Variants in TLL1 observed in about 807,000 individuals in gnomAD.
TLL1 encodes the protein tolloid-like protein 1.
A neutral mutation model predicts 128.2 loss-of-function variants in TLL1; 49 were observed. The ratio of observed to expected loss-of-function variants is 0.38; its 90% confidence interval spans 0.30 to 0.48. TLL1 has a LOEUF of 0.48. Ranked by LOEUF, TLL1 falls within the 20% of genes least tolerant of loss-of-function variation. The probability of loss-of-function intolerance (pLI) is 0.96; values close to 1 mark genes in which losing one functional copy is unlikely to be tolerated. For synonymous variants in TLL1, 454 were observed against 418.8 expected (o/e 1.08, Z -1.03); for missense variants, 1,123 against 1,242.0 (o/e 0.90, Z 1.44).
chr4:166,025,237 A>T, intron 8 of TLL1, 79 bp from the exon 9 acceptor site: 1 of 1,038,544 alleles, frequency 9.6e-7, no homozygotes, highest in Non-Finnish European at 1.5e-6. Flanking sequence ...TACCAAAAAA[A>T]CCCTTCATGG....
chr4:165,975,326 C>A (rs1040717859), intron 1 of TLL1, among the ~76,000 whole-genome samples: 4 of 152,058 alleles, frequency 2.6e-5, no homozygotes, highest in African/African-American at 7.3e-5. Flanking sequence ...GTACCCCTTC[C>A]CCCTCCCCCA....
At chr4:166,069,224 A>T (rs931888088) in intron 16 of TLL1, among the ~76,000 whole-genome samples, 2 of 151,738 alleles carry the variant, frequency 1.3e-5, no homozygotes, top group Non-Finnish European at 2.9e-5. Flanking sequence ...TCTAATAAAG[A>T]TGTTAATATA....
chr4:165,986,998 A>G (rs570741973), intron 1 of TLL1, among the ~76,000 whole-genome samples: 1 of 152,284 alleles, frequency 6.6e-6, no homozygotes, highest in South Asian at 2.1e-4. Flanking sequence ...GATGATGACA[A>G]TGATAATCAT....
At chr4:166,002,601 T>C (rs2111032594) in intron 5 of TLL1, among the ~76,000 whole-genome samples, 1 of 152,118 alleles carries the variant, frequency 6.6e-6, no homozygotes, top group African/African-American at 2.4e-5. Context: ...TGCGCCACTA[T>C]GCCCAGCTAA....
chr4:165,915,438 G>T (rs917545473), intron 1 of TLL1, among the ~76,000 whole-genome samples: 1 of 152,202 alleles, frequency 6.6e-6, no homozygotes, highest in African/African-American at 2.4e-5. Flanking sequence ...TGAATTACAG[G>T]TTTATAGCTT....
At chr4:165,886,228 T>C (rs1223755009) in intron 1 of TLL1, among the ~76,000 whole-genome samples, 1 of 152,156 alleles carries the variant, frequency 6.6e-6, no homozygotes, top group Non-Finnish European at 1.5e-5. Flanking sequence ...GCTGTTTTGT[T>C]TAATTATATT....
At chr4:166,027,012 G>T (rs1312751159) in intron 9 of TLL1, among the ~76,000 whole-genome samples, 1 of 152,074 alleles carries the variant, frequency 6.6e-6, no homozygotes, top group African/African-American at 2.4e-5. Context: ...TGGTGGATGG[G>T]ATAAAGAAAA....
At chr4:165,967,112 A>G (rs959204663) in intron 1 of TLL1, among the ~76,000 whole-genome samples, 2 of 152,208 alleles carry the variant, frequency 1.3e-5, no homozygotes, top group Admixed American at 1.3e-4. Flanking sequence ...AAAAGAATTC[A>G]GCGATATTTC....
At chr4:166,013,380 G>A (rs2111049332) in intron 7 of TLL1, among the ~76,000 whole-genome samples, 1 of 151,878 alleles carries the variant, frequency 6.6e-6, no homozygotes, top group African/African-American at 2.4e-5. Context: ...ATTTCCTAAT[G>A]GAGGCTAAGT....
chr4:165,976,360 G>T (rs902635064), intron 1 of TLL1, among the ~76,000 whole-genome samples: 32 of 152,278 alleles, frequency 2.1e-4, no homozygotes, highest in Middle Eastern at 6.8e-3. Context: ...CAGTCTGAAA[G>T]TTTACCTAGA....
At chr4:165,989,349 T>A (rs760620398) in intron 1 of TLL1, 32 bp from the exon 2 acceptor site, 1 of 1,491,500 alleles carries the variant, frequency 6.7e-7, no homozygotes. Flanking sequence ...ACGGAAATAT[T>A]TTACATTTTA....
intron 1 of TLL1, among the ~76,000 whole-genome samples, chr4:165,982,339 GC>G (rs1366305383): frequency 6.6e-6 from 1 of 151,856 alleles, no homozygotes; most frequent in Non-Finnish European, 1.5e-5. Flanking sequence ...TCAATTTTGT[GC>G]TTGTTTTAGA....
chr4:166,065,651 A>T, intron 15 of TLL1, 32 bp from the exon 16 acceptor site: 1 of 1,608,970 alleles, frequency 6.2e-7, no homozygotes, highest in Non-Finnish European at 8.5e-7. Flanking sequence ...GTACTCACAA[A>T]TCTGGCAACT....
intron 1 of TLL1, among the ~76,000 whole-genome samples, chr4:165,893,845 GA>G (rs1263732940): frequency 5.9e-5 from 9 of 151,836 alleles, no homozygotes; most frequent in Non-Finnish European, 1.0e-4. Context: ...AAAAAAGCTA[GA>G]AAAAAATACA....
intron 1 of TLL1, among the ~76,000 whole-genome samples, chr4:165,950,395 A>G (rs1734456749): frequency 6.6e-6 from 1 of 152,144 alleles, no homozygotes; most frequent in Non-Finnish European, 1.5e-5. Flanking sequence ...TATATTTGGA[A>G]AACTTGAGCA....
intron 9 of TLL1, among the ~76,000 whole-genome samples, chr4:166,029,634 C>T (rs1738665870): frequency 6.6e-6 from 1 of 152,010 alleles, no homozygotes; most frequent in Admixed American, 6.6e-5. Flanking sequence ...CGCAAAACTG[C>T]AACCCTATAC....
chr4:166,057,288 C>T lies in TLL1; in HGVS notation c.1825C>T (p.Pro609Ser), dbSNP rs1740063798. The change falls in exon 14 of 21, where the codon CCA becomes TCA. Residue 609 changes from proline (P) to serine (S), a missense_variant. Transcript: ENST00000061240. Reference sequence around the variant, plus strand: ...CTGTGAGCCTGGCTATGAGCTGGGCCCAGACAGAAGGAGCTGTGAAGGTAT... The same window carrying T: ...CTGTGAGCCTGGCTATGAGCTGGGCTCAGACAGAAGGAGCTGTGAAGGTAT... ...CACEPGYELG[P>S]DRRSCEAACG... The T allele has an allele frequency of 6.2e-7, 1 of 1,613,804 alleles. No homozygotes were observed. Among genetic ancestry groups the T allele is most frequent in the South Asian group, 1.1e-5 (1 of 91,064 alleles).
intron 1 of TLL1, among the ~76,000 whole-genome samples, chr4:165,902,540 C>A (rs1301740737): frequency 6.6e-6 from 1 of 152,100 alleles, no homozygotes; most frequent in East Asian, 1.9e-4. Flanking sequence ...GGAGGGAGTT[C>A]CCTGACTCCT....
chr4:165,933,962 T>C (rs1733650242), intron 1 of TLL1, among the ~76,000 whole-genome samples: 1 of 152,096 alleles, frequency 6.6e-6, no homozygotes, highest in African/African-American at 2.4e-5. Flanking sequence ...TGGAAATTCC[T>C]CTGTGTCTCA....
Sources: gnomAD v4.1 joint callset for allele counts (sites outside exome capture counted in the v4.1 genomes callset) on GRCh38, gnomAD v4.1.1 for gene constraint, MANE v1.5 for transcripts, NCBI Gene and HGNC (gene_info 2026-07-23, HGNC 2026-07-21) for gene names.